Variants in GIGYF2 observed in about 807,000 individuals in gnomAD.
GIGYF2 encodes GRB10-interacting GYF protein 2.
GIGYF2 carries 25 observed loss-of-function variants against 208.1 expected under a neutral mutation model. That is an observed-to-expected ratio of 0.12 (90% CI 0.09 to 0.17). The LOEUF is 0.17. GIGYF2 is among the 10% of genes least tolerant of loss of function. GIGYF2 has a pLI of 1.00. For synonymous variants in GIGYF2, 534 were observed against 543.8 expected (o/e 0.98, Z 0.25); for missense variants, 1,302 against 1,579.4 (o/e 0.82, Z 2.98).
chr2:232,744,107 A>G (rs752797750), intron 3 of GIGYF2, among the ~76,000 whole-genome samples: 5 of 152,092 alleles, frequency 3.3e-5, no homozygotes, highest in African/African-American at 9.7e-5. Context: ...CAACCTCCCA[A>G]AGTGCTGGGA....
chr2:232,836,993 G>T (rs945007535), intron 22 of GIGYF2, among the ~76,000 whole-genome samples: 1 of 152,174 alleles, frequency 6.6e-6, no homozygotes, highest in Non-Finnish European at 1.5e-5. Context: ...TCTAACATTT[G>T]CTGAAGGGTG....
At position 232,844,101 on chromosome 2, in the gene GIGYF2, A is replaced by C; in HGVS notation, c.2945A>C (p.Gln982Pro). Residue 982 changes from glutamine to proline, a missense_variant, in exon 24 of 29, where the codon CAA (glutamine) becomes CCA (proline). By Grantham distance (76) the Gln-to-Pro change is moderately conservative (BLOSUM62 -1). This residue lies in a region of GIGYF2 where 701 missense variants were observed against 793.0 expected (regional missense o/e 0.88). Transcript: ENST00000373563. ...MKALQQQQQQ[Q>P]QQKLSGWGNV... is the part of the protein sequence containing the mutation. ...GCTCTTCAGCAGCAGCAGCAACAGC[A>C]ACAGCAGAAACTCTCAGGTTGGGGG... is the stretch of plus-strand genomic sequence containing the variant. 2 of 1,604,962 alleles carry C rather than the reference A, an allele frequency of 1.2e-6. No homozygotes were observed. Among genetic ancestry groups the C allele is most frequent in the Non-Finnish European group, 1.7e-6 (2 of 1,174,606 alleles).
At chr2:232,815,231 G>T (rs532180208) in intron 18 of GIGYF2, among the ~76,000 whole-genome samples, 1 of 152,344 alleles carries the variant, frequency 6.6e-6, no homozygotes, top group Admixed American at 6.5e-5. Context: ...GTGAGAGGCT[G>T]TAAGGTTGCT....
chr2:232,841,649 T>C (rs904603852), intron 23 of GIGYF2, among the ~76,000 whole-genome samples: 1 of 152,098 alleles, frequency 6.6e-6, no homozygotes. Flanking sequence ...TCTTGGAACT[T>C]TTAAGTCTCC....
At chr2:232,830,039 G>A (rs751675921) in intron 21 of GIGYF2, among the ~76,000 whole-genome samples, 4 of 152,078 alleles carry the variant, frequency 2.6e-5, no homozygotes, top group Non-Finnish European at 5.9e-5. Context: ...GAGTGCAGTG[G>A]TGTGATTATA....
intron 8 of GIGYF2, chr2:232,768,714 A>G: frequency 6.2e-7 from 1 of 1,602,874 alleles, no homozygotes; most frequent in Non-Finnish European, 8.5e-7. Context: ...TTGGAAGATA[A>G]GATTAGGTTT....
At position 232,761,547 on chromosome 2, in the gene GIGYF2, G is replaced by A. The variant is rs897910746; in HGVS notation, c.532+111G>A. The A allele has an allele frequency of 1.3e-5, 9 of 686,480 alleles. No individual in the cohort carries two copies. In the Admixed American group the frequency reaches 1.9e-4, roughly 15 times the overall value. The allele number at this position is 686,480 out of a possible 1,614,324, so 42.5% of individuals were successfully genotyped here. ...CATTTCCTGCATTTAAACTTCCACG[G>A]TTATTTGAAGTCTCTACTGCATGAA... On this transcript the variant is annotated intron_variant, in intron 8 of 28. Coordinates refer to ENST00000373563, the MANE Select transcript of GIGYF2 (RefSeq NM_001103146.3).
intron 15 of GIGYF2, among the ~76,000 whole-genome samples, chr2:232,807,738 T>A (rs1297445334): frequency 6.6e-6 from 1 of 151,494 alleles, no homozygotes; most frequent in Non-Finnish European, 1.5e-5. Flanking sequence ...ACCATAAACC[T>A]TTTTTTTTCT....
chr2:232,769,678 G>A (rs937153831), intron 8 of GIGYF2, among the ~76,000 whole-genome samples: 1 of 152,060 alleles, frequency 6.6e-6, no homozygotes, highest in African/African-American at 2.4e-5. Context: ...ATATATAAGA[G>A]TTTCTTAATC....
Position 232,844,225 on chromosome 2 carries a change from C to G in GIGYF2, c.3069C>G (p.His1023Gln), listed in dbSNP as rs532658514. ...MQKQQQQQQQ[H>Q]QQPNRARNNT... ...AGCAGCAGCAGCAGCAGCAGCAACA[C>G]CAGCAACCAAACAGAGCTCGTAACA... The change falls in exon 24 of 29, where the codon CAC becomes CAG. Residue 1023 changes from histidine to glutamine, a missense_variant. His to Gln is a conservative substitution (Grantham distance 24, BLOSUM62 0). Coordinates refer to ENST00000373563, the MANE Select transcript of GIGYF2 (RefSeq NM_001103146.3). 1.2e-5 allele frequency: 19 copies of G among 1,566,760 alleles called. No individual in the cohort carries two copies. The East Asian group carries it at 4.3e-4, about 35-fold the overall frequency.
At chr2:232,784,567 T>C (rs373174025) in intron 8 of GIGYF2, among the ~76,000 whole-genome samples, 19 of 147,506 alleles carry the variant, frequency 1.3e-4, no homozygotes, top group African/African-American at 4.5e-4. Context: ...ATTTTTTCTA[T>C]TTTTAGTAGA....
intron 2 of GIGYF2, among the ~76,000 whole-genome samples, chr2:232,732,714 C>CA (rs1697557604): frequency 6.6e-6 from 1 of 151,038 alleles, no homozygotes. Context: ...AATCACGACT[C>CA]ATTGTAGTCT....
chr2:232,828,912 A>G (rs1422848331), intron 21 of GIGYF2, among the ~76,000 whole-genome samples: 1 of 152,158 alleles, frequency 6.6e-6, no homozygotes, highest in Non-Finnish European at 1.5e-5. Flanking sequence ...GGCCTCCTAC[A>G]TTTGAAAAGA....
At chr2:232,699,397 C>T (rs184098465) in intron 1 of GIGYF2, among the ~76,000 whole-genome samples, 42 of 152,240 alleles carry the variant, frequency 2.8e-4, no homozygotes, top group African/African-American at 9.1e-4. Context: ...GGATTATTTG[C>T]TATCCTGAAT....
intron 21 of GIGYF2, among the ~76,000 whole-genome samples, chr2:232,824,992 A>T (rs1300808000): frequency 6.6e-6 from 1 of 152,220 alleles, no homozygotes; most frequent in African/African-American, 2.4e-5. Context: ...GGATGACAGC[A>T]CATCTGTTTA....
chr2:232,815,663 C>A lies in GIGYF2; in HGVS notation c.2134C>A (p.Leu712Ile). 6.2e-7 allele frequency: 1 copy of A among 1,601,174 alleles called. No individual in the cohort carries two copies. The highest frequency in any genetic ancestry group is 8.6e-7 in the Non-Finnish European group (1 of 1,168,270). Residue 712 changes from leucine (L) to isoleucine (I), a missense_variant, in exon 19 of 29, where the codon CTT (leucine) becomes ATT (isoleucine). Coordinates refer to ENST00000373563, the MANE Select transcript of GIGYF2 (RefSeq NM_001103146.3). ...TTGGGAAGGTGGTAGTGTATGGGAT[C>A]TTCCTCTGGACACCACGACACCAGG... The part of the protein sequence containing the change: ...TVWEGGSVWD[L>I]PLDTTTPGPA...
chr2:232,739,101 G>A (rs957528143), intron 3 of GIGYF2, among the ~76,000 whole-genome samples: 1 of 151,042 alleles, frequency 6.6e-6, no homozygotes, highest in Admixed American at 6.6e-5. Flanking sequence ...GCTCATGCCT[G>A]TAATCCCAGC....
intron 8 of GIGYF2, among the ~76,000 whole-genome samples, chr2:232,769,861 C>G (rs759606001): frequency 6.6e-6 from 1 of 152,162 alleles, no homozygotes; most frequent in Non-Finnish European, 1.5e-5. Flanking sequence ...CTTACTGATA[C>G]ATTAAATAAC....
chr2:232,770,801 T>G, intron 8 of GIGYF2: 1 of 787,616 alleles, frequency 1.3e-6, no homozygotes, highest in Non-Finnish European at 2.1e-6. Flanking sequence ...AATTATTCTG[T>G]AACAGCATTA....
Sources: gnomAD v4.1 joint callset for allele counts (sites outside exome capture counted in the v4.1 genomes callset) on GRCh38, gnomAD v4.1.1 for gene constraint, gnomAD v4.1.1 regional missense constraint, MANE v1.5 for transcripts, NCBI Gene and HGNC (gene_info 2026-07-23, HGNC 2026-07-21) for gene names.